CNTNAP2: variants seen among roughly 807,000 people sequenced by gnomAD.
The protein encoded by CNTNAP2 is contactin-associated protein-like 2.
A neutral mutation model predicts 155.2 loss-of-function variants in CNTNAP2; 98 were observed. The ratio of observed to expected loss-of-function variants is 0.63; its 90% CI spans 0.54 to 0.75. The LOEUF (loss-of-function observed/expected upper bound fraction) is 0.75, where lower values mean the gene tolerates loss of function less well. CNTNAP2 is among the 30% of genes least tolerant of loss of function. The pLI is 0.00. For synonymous variants in CNTNAP2, 651 were observed against 631.2 expected (o/e 1.03, Z -0.47); for missense variants, 1,727 against 1,688.1 (o/e 1.02, Z -0.40).
chr7:147,333,672 A>G (rs1169242550), intron 9 of CNTNAP2, among the ~76,000 whole-genome samples: 3 of 152,086 alleles, frequency 2.0e-5, no homozygotes, highest in African/African-American at 4.8e-5. Flanking sequence ...AATCCTATAT[A>G]TTTTTTCAAA....
At chr7:146,749,225 AT>A (rs1292987752) in intron 1 of CNTNAP2, among the ~76,000 whole-genome samples, 1 of 152,180 alleles carries the variant, frequency 6.6e-6, no homozygotes, top group African/African-American at 2.4e-5. Flanking sequence ...CTATATGTAT[AT>A]GTATATATTT....
chr7:147,999,201 G>C, intron 15 of CNTNAP2, among the ~76,000 whole-genome samples: 1 of 152,064 alleles, frequency 6.6e-6, no homozygotes, highest in Non-Finnish European at 1.5e-5. Flanking sequence ...TCCTGCCTCA[G>C]CCTCCTGAGT....
intron 21 of CNTNAP2, among the ~76,000 whole-genome samples, chr7:148,373,886 C>T (rs1415099404): frequency 3.9e-5 from 6 of 152,112 alleles, no homozygotes; most frequent in African/African-American, 1.2e-4. Context: ...AGGGTGGTTG[C>T]GATCGTATGG....
chr7:147,027,610 A>G (rs575553842), intron 3 of CNTNAP2, among the ~76,000 whole-genome samples: 1 of 152,340 alleles, frequency 6.6e-6, no homozygotes, highest in South Asian at 2.1e-4. Context: ...GTTCTCACAG[A>G]CTGAGATTTT....
At chr7:148,400,697 G>A (rs1338176507) in intron 22 of CNTNAP2, among the ~76,000 whole-genome samples, 1 of 152,070 alleles carries the variant, frequency 6.6e-6, no homozygotes, top group Admixed American at 6.6e-5. Flanking sequence ...GTAAAGAGTT[G>A]TTGGCCAGGC....
intron 1 of CNTNAP2, among the ~76,000 whole-genome samples, chr7:146,516,484 C>G (rs569923192): frequency 6.6e-6 from 1 of 151,858 alleles, no homozygotes; most frequent in South Asian, 2.1e-4. Context: ...TGTTTTACAG[C>G]AGGATGGTCT....
At chr7:148,295,922 C>CA (rs993823170) in intron 21 of CNTNAP2, among the ~76,000 whole-genome samples, 80 of 152,126 alleles carry the variant, frequency 5.3e-4, no homozygotes, top group African/African-American at 1.8e-3. Context: ...CTTCCCTCTG[C>CA]AAGAAGAGGC....
intron 20 of CNTNAP2, among the ~76,000 whole-genome samples, chr7:148,248,345 C>T (rs1796310503): frequency 2.0e-5 from 3 of 152,178 alleles, no homozygotes; most frequent in African/African-American, 7.2e-5. Flanking sequence ...ACTACAGGCA[C>T]ATGGCACTAC....
chr7:147,100,523 A>G (rs1433680249), intron 4 of CNTNAP2, among the ~76,000 whole-genome samples: 1 of 152,188 alleles, frequency 6.6e-6, no homozygotes, highest in African/African-American at 2.4e-5. Context: ...TATATTCTTT[A>G]TTTAAACTCA....
chr7:146,486,026 T>C (rs554540729), intron 1 of CNTNAP2, among the ~76,000 whole-genome samples: 1 of 138,848 alleles, frequency 7.2e-6, no homozygotes, highest in East Asian at 2.3e-4. Flanking sequence ...AAACCAAAAA[T>C]GTACCCAACC....
chr7:146,226,293 G>A (rs1799291532), intron 1 of CNTNAP2, among the ~76,000 whole-genome samples: 1 of 152,148 alleles, frequency 6.6e-6, no homozygotes, highest in Non-Finnish European at 1.5e-5. Flanking sequence ...GGTGTATTGG[G>A]ATAATTTATA....
chr7:147,960,665 C>A (rs1392873490), intron 14 of CNTNAP2, among the ~76,000 whole-genome samples: 2 of 152,088 alleles, frequency 1.3e-5, no homozygotes, highest in Admixed American at 1.3e-4. Flanking sequence ...AAGTTAAACA[C>A]AGGATGAGCT....
chr7:148,403,144 G>A (rs1292924004), intron 22 of CNTNAP2, among the ~76,000 whole-genome samples: 2 of 76,716 alleles, frequency 2.6e-5, no homozygotes, highest in Admixed American at 2.0e-4. Context: ...TAGCCAGGAT[G>A]TTTACTAAGT....
chr7:146,190,276 G>A (rs1422629041), intron 1 of CNTNAP2, among the ~76,000 whole-genome samples: 2 of 152,124 alleles, frequency 1.3e-5, no homozygotes, highest in Admixed American at 1.3e-4. Flanking sequence ...CTGCAGTGGT[G>A]CTCTTTCCCT....
At chr7:148,093,170 A>G (rs1275685303) in intron 15 of CNTNAP2, among the ~76,000 whole-genome samples, 5 of 149,426 alleles carry the variant, frequency 3.3e-5, no homozygotes, top group Admixed American at 2.7e-4. Context: ...CCAAATAGAT[A>G]TATCTGAGAG....
intron 15 of CNTNAP2, 149 bp downstream of exon 15, chr7:147,978,138 G>C: frequency 8.8e-7 from 1 of 1,132,530 alleles, no homozygotes; most frequent in Non-Finnish European, 1.3e-6. Flanking sequence ...ACTTAGAGGA[G>C]GGGAACAGCC....
Position 147,551,441 on chromosome 7 carries a change from C to A in CNTNAP2, c.1778-10697C>A, listed in dbSNP as rs114821498. 4.2e-3 allele frequency among the ~76,000 whole-genome samples: 633 copies of A among 152,258 alleles called. 6 individuals carry two copies. Among genetic ancestry groups the A allele is most frequent in the African/African-American group, 0.015 (609 of 41,540 alleles). ...GACTCCTTAATCTCTACTGAAGGGG[C>A]TTACTTTGAAGACTAGCAATTTCAT... On this transcript the variant is annotated intron_variant, in intron 11 of 23. Transcript: ENST00000361727.
At chr7:146,694,503 A>G (rs193260793) in intron 1 of CNTNAP2, among the ~76,000 whole-genome samples, 2 of 152,282 alleles carry the variant, frequency 1.3e-5, no homozygotes, top group East Asian at 1.9e-4. Flanking sequence ...CTTGATCACT[A>G]TGGCCTAATA....
intron 1 of CNTNAP2, among the ~76,000 whole-genome samples, chr7:146,132,304 T>C (rs1447122873): frequency 6.6e-6 from 1 of 152,168 alleles, no homozygotes; most frequent in Non-Finnish European, 1.5e-5. Context: ...AGTACGAACT[T>C]CATAGAGCAG....
Sources: gnomAD v4.1 joint callset for allele counts (sites outside exome capture counted in the v4.1 genomes callset) on GRCh38, gnomAD v4.1.1 for gene constraint, MANE v1.5 for transcripts, NCBI Gene and HGNC (gene_info 2026-07-23, HGNC 2026-07-21) for gene names.